Variants in FAM118A observed in about 807,000 individuals in gnomAD.
FAM118A encodes SIR2 antiphage like 2.
Under a neutral mutation model 38.2 loss-of-function variants are expected in FAM118A, and 25 were observed. The ratio of observed to expected loss-of-function variants is 0.65; its 90% confidence interval spans 0.48 to 0.91. The LOEUF (loss-of-function observed/expected upper bound fraction) is 0.91. Among genes scored for constraint, FAM118A ranks in the 40% least tolerant of loss-of-function variants. FAM118A has a pLI of 0.00. For missense variants in FAM118A, 425 were observed against 463.3 expected (o/e 0.92, Z 0.76); for synonymous variants, 178 against 184.1 (o/e 0.97, Z 0.27).
intron 1 of FAM118A, among the ~76,000 whole-genome samples, chr22:45,320,021 C>CA (rs1193099233): frequency 6.6e-6 from 1 of 152,210 alleles, no homozygotes; most frequent in Non-Finnish European, 1.5e-5. Flanking sequence ...TTTACATTTT[C>CA]AAAGGATAAC....
At chr22:45,322,946 G>T (rs1176813339) in intron 2 of FAM118A, among the ~76,000 whole-genome samples, 3 of 152,128 alleles carry the variant, frequency 2.0e-5, no homozygotes, top group African/African-American at 7.2e-5. Context: ...ATGAGACACA[G>T]CTGTCCCACG....
intron 3 of FAM118A, among the ~76,000 whole-genome samples, chr22:45,325,015 C>CT (rs1311692318): frequency 3.3e-5 from 5 of 152,196 alleles, no homozygotes; most frequent in African/African-American, 1.2e-4. Context: ...CCATTGCACT[C>CT]TATCCTGGGC....
chr22:45,318,062 T>G (rs1319803750), intron 1 of FAM118A, among the ~76,000 whole-genome samples: 2 of 152,236 alleles, frequency 1.3e-5, no homozygotes, highest in African/African-American at 4.8e-5. Context: ...AGTTCGATTT[T>G]GGTAGCTTGT....
intron 8 of FAM118A, among the ~76,000 whole-genome samples, chr22:45,338,970 G>C (rs553585800): frequency 2.6e-5 from 4 of 152,226 alleles, no homozygotes; most frequent in Admixed American, 6.5e-5. Context: ...TAGCACAAGC[G>C]AGGGCTGGTG....
intron 6 of FAM118A, among the ~76,000 whole-genome samples, chr22:45,333,148 T>C (rs1043222513): frequency 3.3e-5 from 5 of 152,368 alleles, no homozygotes; most frequent in South Asian, 4.1e-4. Flanking sequence ...GTCTTCGTTA[T>C]TATTTTTTAA....
chr22:45,331,687 G>T (rs953798033), intron 5 of FAM118A, among the ~76,000 whole-genome samples: 1 of 152,208 alleles, frequency 6.6e-6, no homozygotes, highest in Non-Finnish European at 1.5e-5. Context: ...GTGTCATTCC[G>T]TGACAGGTGT....
chr22:45,331,535 C>T (rs1355160916), intron 5 of FAM118A, among the ~76,000 whole-genome samples: 2 of 152,020 alleles, frequency 1.3e-5, no homozygotes, highest in Non-Finnish European at 2.9e-5. Flanking sequence ...CCCCTACTCC[C>T]GGCTGTGAGG....
chr22:45,336,945 AT>A (rs1052622286), intron 8 of FAM118A, among the ~76,000 whole-genome samples: 8 of 152,206 alleles, frequency 5.3e-5, no homozygotes, highest in African/African-American at 1.7e-4. Context: ...ACTAAGATTT[AT>A]TTAAGTGATT....
chr22:45,330,458 G>A, intron 4 of FAM118A, 145 bp from the exon 5 acceptor site: 1 of 893,358 alleles, frequency 1.1e-6, no homozygotes, highest in Non-Finnish European at 1.6e-6. Flanking sequence ...CTTAGGTTTT[G>A]AAGGTATAAG....
chr22:45,315,537 C>T (rs1053712971), intron 1 of FAM118A, among the ~76,000 whole-genome samples: 5 of 152,176 alleles, frequency 3.3e-5, no homozygotes, highest in Admixed American at 2.6e-4. Context: ...TTCAGATACG[C>T]GTCTCCCTTG....
intron 1 of FAM118A, chr22:45,322,130 T>TGCTG: frequency 7.1e-7 from 1 of 1,413,906 alleles, no homozygotes. Flanking sequence ...TTTCCTTCTG[T>TGCTG]GCTGTCCCGT....
At chr22:45,312,280 A>T (rs1488642441) in intron 1 of FAM118A, among the ~76,000 whole-genome samples, 1 of 152,174 alleles carries the variant, frequency 6.6e-6, no homozygotes, top group African/African-American at 2.4e-5. Flanking sequence ...CAGTCCCCCA[A>T]GACTGCCCTC....
chr22:45,329,669 G>A (rs2085564150), intron 4 of FAM118A: 1 of 152,440 alleles, frequency 6.6e-6, no homozygotes, highest in African/African-American at 2.4e-5. Flanking sequence ...AGGGCCGCCT[G>A]AGGGGAGCGG....
At chr22:45,331,777 CTG>C (rs1200663040) in intron 5 of FAM118A, among the ~76,000 whole-genome samples, 1 of 152,116 alleles carries the variant, frequency 6.6e-6, no homozygotes, top group African/African-American at 2.4e-5. Flanking sequence ...TGGGCTGAGA[CTG>C]AGCCTCTCTG....
chr22:45,311,630 A>T (rs891660141), intron 1 of FAM118A, among the ~76,000 whole-genome samples: 1 of 152,064 alleles, frequency 6.6e-6, no homozygotes, highest in African/African-American at 2.4e-5. Context: ...TGGTACTTAA[A>T]GGGAGTGGGT....
intron 6 of FAM118A, 60 bp from the exon 7 acceptor site, chr22:45,335,290 G>C (rs932848989): frequency 9.4e-6 from 15 of 1,598,854 alleles, no homozygotes; most frequent in Non-Finnish European, 8.6e-6. Context: ...CCTCAGGGTG[G>C]CCGAGGAGGA....
intron 6 of FAM118A, among the ~76,000 whole-genome samples, chr22:45,333,674 C>CA (rs541613789): frequency 0.36 from 33,388 of 93,394 alleles, 7,342 homozygotes; most frequent in African/African-American, 0.66. Context: ...ACTCTGTTTC[C>CA]AAAAAAAAAA....
rs62001861 is a variant in FAM118A at position 45,327,965 on chromosome 22, G to A, written c.424G>A (p.Ala142Thr). ...QSILSLMDRGAMVLTTNYDNL... is the reference protein window; with the variant it reads ...QSILSLMDRGTMVLTTNYDNL... ...GATCCTCAGCCTGATGGACAGGGGCGCCATGGTCCTGACCACCAACTATGA... is the reference window on the plus strand; with the variant it reads ...GATCCTCAGCCTGATGGACAGGGGCACCATGGTCCTGACCACCAACTATGA... Residue 142 changes from alanine (A) to threonine (T), a missense_variant, in exon 4 of 9, where the codon GCC becomes ACC. Transcript: ENST00000441876. 686 of 1,613,944 alleles carry A rather than the reference G, an allele frequency of 4.3e-4. 3 individuals are homozygous for A. In the African/African-American group the frequency reaches 5.9e-3, roughly 14 times the overall value.
intron 1 of FAM118A, among the ~76,000 whole-genome samples, chr22:45,310,765 T>C (rs1294828617): frequency 6.6e-6 from 1 of 152,172 alleles, no homozygotes; most frequent in Non-Finnish European, 1.5e-5. Flanking sequence ...GTTTAAGTTT[T>C]AATGTTCTGC....
Sources: gnomAD v4.1 joint callset for allele counts (sites outside exome capture counted in the v4.1 genomes callset) on GRCh38, gnomAD v4.1.1 for gene constraint, MANE v1.5 for transcripts, NCBI Gene and HGNC (gene_info 2026-07-23, HGNC 2026-07-21) for gene names.